The following ALDH2 variants were observed in gnomAD, a reference collection of about 807,000 sequenced individuals.
The protein encoded by ALDH2 is aldehyde dehydrogenase, mitochondrial.
In ALDH2, 44 loss-of-function variants were observed where a neutral mutation model predicts 59.6. That is an observed-to-expected ratio of 0.74 (90% CI 0.58 to 0.95). ALDH2 has a LOEUF of 0.95. Ranked by LOEUF, ALDH2 falls within the 40% of genes least tolerant of loss-of-function variation. The pLI, the probability that ALDH2 is intolerant of heterozygous loss-of-function variation, is 0.00. For synonymous variants in ALDH2, 291 were observed against 284.0 expected, an observed-to-expected ratio of 1.02 and a Z score of -0.25; for missense variants, 570 against 696.3, an observed-to-expected ratio of 0.82 and a Z score of 2.04.
At position 111,800,015 on chromosome 12, in the gene ALDH2, T is replaced by G. The variant is rs1468579650; in HGVS notation, c.1358T>G (p.Leu453Trp). The G allele has an allele frequency of 6.2e-7, 1 of 1,613,740 alleles. No homozygotes were observed. Among genetic ancestry groups the G allele is most frequent in the Non-Finnish European group, 8.5e-7 (1 of 1,179,970 alleles). ...GCCGCAGCTGTCTTCACAAAGGATT[T>G]GGACAAGGCCAATTACCTGTCCCAG... Reference protein sequence around the residue: ...GLAAAVFTKDLDKANYLSQAL... With the variant: ...GLAAAVFTKDWDKANYLSQAL... The change falls in exon 11 of 13, where the codon TTG becomes TGG. Residue 453 changes from leucine to tryptophan, a missense_variant. Physicochemically the swap from Leu to Trp is moderately conservative, Grantham distance 61 (BLOSUM62 -2). Transcript: ENST00000261733.
chr12:111,783,099 G>A (rs781179050), intron 2 of ALDH2, 59 bp from the exon 3 acceptor site: 2 of 1,575,692 alleles, frequency 1.3e-6, no homozygotes, highest in Non-Finnish European at 8.6e-7. Flanking sequence ...TTCGGACCTG[G>A]TTATTACTGA....
At chr12:111,806,427 A>T (rs1053524520) in intron 12 of ALDH2, among the ~76,000 whole-genome samples, 8 of 152,224 alleles carry the variant, frequency 5.3e-5, no homozygotes, top group Non-Finnish European at 8.8e-5. Flanking sequence ...AACACAAGTG[A>T]TGTTTAAGGA....
intron 10 of ALDH2, 150 bp downstream of exon 10, chr12:111,798,392 A>AT (rs1376581578): frequency 2.5e-6 from 2 of 789,516 alleles, no homozygotes; most frequent in Non-Finnish European, 3.8e-6. Context: ...CACGCTATTC[A>AT]TAGTATGTAT....
chr12:111,790,598 C>T (rs558400921), intron 6 of ALDH2, 36 bp downstream of exon 6: 3 of 1,613,838 alleles, frequency 1.9e-6, no homozygotes, highest in South Asian at 1.1e-5. Flanking sequence ...CTCTAAATGC[C>T]CTTGTTGAGG....
At chr12:111,787,105 C>CTCA (rs1304582017) in intron 4 of ALDH2, among the ~76,000 whole-genome samples, 1 of 152,012 alleles carries the variant, frequency 6.6e-6, no homozygotes, top group African/African-American at 2.4e-5. Flanking sequence ...ACTCAGGAGG[C>CTCA]TGAGGCACGA....
At chr12:111,769,723 G>A (rs1443883651) in intron 1 of ALDH2, among the ~76,000 whole-genome samples, 3 of 151,976 alleles carry the variant, frequency 2.0e-5, no homozygotes, top group East Asian at 1.9e-4. Flanking sequence ...CTCTGGTGGC[G>A]CCGTGCTGGA....
intron 1 of ALDH2, among the ~76,000 whole-genome samples, chr12:111,770,119 G>A (rs980500325): frequency 6.6e-6 from 1 of 150,788 alleles, no homozygotes; most frequent in African/African-American, 2.5e-5. Flanking sequence ...ATTCCAGCCT[G>A]GGTGACAGAG....
chr12:111,807,875 ATTTT>A (rs35239056), intron 12 of ALDH2, among the ~76,000 whole-genome samples: 1 of 139,246 alleles, frequency 7.2e-6, no homozygotes, highest in Non-Finnish European at 1.6e-5. Context: ...AGGTGGCTCA[ATTTT>A]TTTTTTTTTT....
intron 4 of ALDH2, among the ~76,000 whole-genome samples, chr12:111,786,613 A>G (rs1488663278): frequency 6.6e-6 from 1 of 151,314 alleles, no homozygotes; most frequent in Non-Finnish European, 1.5e-5. Flanking sequence ...TGGCACAATC[A>G]TAGTTCACTG....
intron 8 of ALDH2, among the ~76,000 whole-genome samples, 200 bp downstream of exon 8, chr12:111,792,363 C>T (rs1022394066): frequency 6.6e-6 from 1 of 152,250 alleles, no homozygotes; most frequent in African/African-American, 2.4e-5. Flanking sequence ...CTCTCTGCAT[C>T]ATCAGGCTAG....
intron 6 of ALDH2, 102 bp from the exon 7 acceptor site, chr12:111,791,204 G>T: frequency 1.2e-6 from 1 of 839,764 alleles, no homozygotes; most frequent in South Asian, 1.6e-5. Flanking sequence ...TGTGTCCTTG[G>T]CAGACTGTCC....
chr12:111,805,605 G>C (rs1472182125), intron 12 of ALDH2, among the ~76,000 whole-genome samples: 3 of 152,200 alleles, frequency 2.0e-5, no homozygotes, highest in Non-Finnish European at 4.4e-5. Flanking sequence ...TTATAGGCAT[G>C]AGCTACCACA....
chr12:111,778,416 G>T (rs1341493116), intron 1 of ALDH2, among the ~76,000 whole-genome samples: 1 of 151,746 alleles, frequency 6.6e-6, no homozygotes, highest in South Asian at 2.1e-4. Flanking sequence ...ATGGTGGCAG[G>T]CATCTGTAAT....
chr12:111,793,857 T>C (rs572397206), intron 9 of ALDH2, among the ~76,000 whole-genome samples: 1 of 151,842 alleles, frequency 6.6e-6, no homozygotes, highest in African/African-American at 2.4e-5. Context: ...TCGGGGTCAT[T>C]TTTTGTGTTG....
intron 12 of ALDH2, 27 bp from the exon 13 acceptor site, chr12:111,809,516 C>T: frequency 6.2e-7 from 1 of 1,614,074 alleles, no homozygotes; most frequent in South Asian, 1.1e-5. Flanking sequence ...GCAGGAAGAT[C>T]TAACGGCTTC....
chr12:111,777,929 C>G (rs1193029245), intron 1 of ALDH2, among the ~76,000 whole-genome samples: 1 of 152,162 alleles, frequency 6.6e-6, no homozygotes, highest in Non-Finnish European at 1.5e-5. Context: ...TTAATGTTTA[C>G]CCATGTTCTT....
intron 12 of ALDH2, among the ~76,000 whole-genome samples, chr12:111,807,361 T>G (rs2068504615): frequency 1.3e-5 from 2 of 151,626 alleles, no homozygotes; most frequent in Non-Finnish European, 2.9e-5. Context: ...CAGCCAGTCT[T>G]GTTTACTGTA....
At chr12:111,805,136 C>A (rs2068483900) in intron 12 of ALDH2, among the ~76,000 whole-genome samples, 1 of 152,088 alleles carries the variant, frequency 6.6e-6, no homozygotes, top group Admixed American at 6.6e-5. Context: ...AAGCAGTATA[C>A]AAACTAATAT....
chr12:111,767,174 C>T (rs1271219654), intron 1 of ALDH2, 78 bp downstream of exon 1: 3 of 1,210,768 alleles, frequency 2.5e-6, no homozygotes, highest in East Asian at 6.0e-5. Context: ...CCCGCGCCGC[C>T]GTGGGCCTTA....
Sources: gnomAD v4.1 joint callset for allele counts (sites outside exome capture counted in the v4.1 genomes callset) on GRCh38, gnomAD v4.1.1 for gene constraint, MANE v1.5 for transcripts, NCBI Gene and HGNC (gene_info 2026-07-23, HGNC 2026-07-21) for gene names.